The following SPATC1 variants were observed in gnomAD, a reference collection of about 807,000 sequenced individuals.
SPATC1 encodes the protein speriolin.
SPATC1 carries 35 observed loss-of-function variants against 36.5 expected under a neutral mutation model. That is an observed-to-expected ratio of 0.96 (90% CI 0.73 to 1.27). The LOEUF (loss-of-function observed/expected upper bound fraction) is 1.27, where lower values mean the gene tolerates loss of function less well. Ranked by LOEUF, SPATC1 falls within the 50% of genes most tolerant of loss-of-function variation. The pLI, the probability that SPATC1 is intolerant of heterozygous loss-of-function variation, is 0.00. For synonymous variants in SPATC1, 361 were observed against 353.6 expected (o/e 1.02, Z -0.24); for missense variants, 779 against 796.0 (o/e 0.98, Z 0.26).
chr8:144,015,758 GAAAA>G (rs1328775785), intron 1 of SPATC1, among the ~76,000 whole-genome samples: 13 of 108,894 alleles, frequency 1.2e-4, no homozygotes, highest in Non-Finnish European at 1.8e-4. Flanking sequence ...AAAAAAAAAA[GAAAA>G]GAAAAAAGAA....
intron 1 of SPATC1, among the ~76,000 whole-genome samples, chr8:144,036,873 T>TA (rs1410365878): frequency 1.3e-5 from 2 of 151,388 alleles, no homozygotes; most frequent in Non-Finnish European, 2.9e-5. Context: ...ATAGGCTCAG[T>TA]AAAAAAATAG....
chr8:144,043,300 T>TAA (rs1564281584), intron 4 of SPATC1, among the ~76,000 whole-genome samples: 1 of 127,510 alleles, frequency 7.8e-6, no homozygotes, highest in African/African-American at 3.5e-5. Context: ...CAGCCTTACA[T>TAA]TTTTTTTTTT....
chr8:144,042,307 ATATATTTT>A (rs1835131703), intron 4 of SPATC1, among the ~76,000 whole-genome samples: 1 of 49,454 alleles, frequency 2.0e-5, no homozygotes, highest in Non-Finnish European at 3.2e-5. Flanking sequence ...ATATATATAT[ATATATTTT>A]TTTTTTTTTT....
At chr8:144,037,667 TGTGGAAGGCC>T (rs1196453474) in intron 1 of SPATC1, among the ~76,000 whole-genome samples, 1 of 151,996 alleles carries the variant, frequency 6.6e-6, no homozygotes, top group Non-Finnish European at 1.5e-5. Context: ...ACACAAACAC[TGTGGAAGGCC>T]GCAGGGTCCT....
intron 1 of SPATC1, among the ~76,000 whole-genome samples, chr8:144,026,987 C>CTTTTTTTTT (rs1169014232): frequency 0.01 from 1,182 of 113,710 alleles, no homozygotes; most frequent in East Asian, 0.014. Context: ...TTTTTTTTTT[C>CTTTTTTTTT]TTTTTTTTTT....
At chr8:144,020,904 T>TCCCTCAGGACCCTCTC (rs1834509831) in intron 1 of SPATC1, among the ~76,000 whole-genome samples, 5 of 73,492 alleles carry the variant, frequency 6.8e-5, no homozygotes, top group Non-Finnish European at 8.8e-5. Flanking sequence ...AGGACCCTCT[T>TCCCTCAGGACCCTCTC]CCCTCAGGAC....
At chr8:144,024,453 TCCTCTTCCCTCAGGAC>T (rs1244524353) in intron 1 of SPATC1, among the ~76,000 whole-genome samples, 1 of 88,654 alleles carries the variant, frequency 1.1e-5, no homozygotes, top group East Asian at 3.8e-4. Flanking sequence ...TCCCTCTGGA[TCCTCTTCCCTCAGGAC>T]CCTCTCCCCT....
intron 1 of SPATC1, among the ~76,000 whole-genome samples, chr8:144,021,554 A>C (rs1834535695): frequency 1.1e-5 from 1 of 90,122 alleles, no homozygotes; most frequent in African/African-American, 4.2e-5. Context: ...CTCTTCCCTC[A>C]GAACTTTTCT....
At chr8:144,038,075 C>A (rs1287403916) in intron 1 of SPATC1, among the ~76,000 whole-genome samples, 11 of 151,460 alleles carry the variant, frequency 7.3e-5, no homozygotes, top group Admixed American at 1.3e-4. Context: ...CTTCAGTGAG[C>A]CGAGATCGCA....
intron 1 of SPATC1, among the ~76,000 whole-genome samples, chr8:144,034,242 C>A (rs1434118377): frequency 6.6e-6 from 1 of 152,152 alleles, no homozygotes; most frequent in Non-Finnish European, 1.5e-5. Flanking sequence ...ACTGGGCATG[C>A]ACGGGCCTCC....
chr8:144,026,991 T>TTC (rs1834694754), intron 1 of SPATC1, among the ~76,000 whole-genome samples: 2 of 144,374 alleles, frequency 1.4e-5, no homozygotes, highest in Non-Finnish European at 3.0e-5. Context: ...TTTTTTCTTT[T>TTC]TTTTTTTTTT....
chr8:144,042,494 G>T (rs2129666897), intron 4 of SPATC1, among the ~76,000 whole-genome samples: 1 of 150,818 alleles, frequency 6.6e-6, no homozygotes, highest in East Asian at 2.0e-4. Flanking sequence ...TAACTTTTTG[G>T]TATTTTTAGT....
rs963153798 is a variant in SPATC1 at position 144,039,854 on chromosome 8, C to T, written c.212-55C>T. On this transcript the variant is annotated intron_variant, in intron 1 of 4. Transcript: ENST00000377470. ...CAGTGACAGAGCCTGTGACCACCCT[C>T]GCCGTGGTCTGGAGGGGCTCCCCTG... The T allele has an allele frequency of 8.4e-5, 130 of 1,552,674 alleles. No individual in the cohort carries two copies. The African/African-American group carries it at 1.4e-3, about 17-fold the overall frequency.
chr8:144,034,872 C>T (rs1053502038), intron 1 of SPATC1, among the ~76,000 whole-genome samples: 1 of 152,118 alleles, frequency 6.6e-6, no homozygotes, highest in African/African-American at 2.4e-5. Context: ...CCACCTGCCT[C>T]GGCCTCCCAA....
chr8:144,042,946 T>G (rs1487446023), intron 4 of SPATC1, among the ~76,000 whole-genome samples: 1 of 151,416 alleles, frequency 6.6e-6, no homozygotes, highest in Non-Finnish European at 1.5e-5. Flanking sequence ...CATCTCAGCC[T>G]CTCTGCTAAC....
intron 1 of SPATC1, among the ~76,000 whole-genome samples, chr8:144,020,134 A>G (rs1354895515): frequency 6.7e-6 from 1 of 150,014 alleles, no homozygotes; most frequent in South Asian, 2.1e-4. Flanking sequence ...CCCGCTCAAG[A>G]TCTGTCCCTC....
At chr8:144,043,057 A>G (rs1467039567) in intron 4 of SPATC1, among the ~76,000 whole-genome samples, 2 of 150,680 alleles carry the variant, frequency 1.3e-5, no homozygotes, top group Admixed American at 1.3e-4. Flanking sequence ...CAGTGGTACA[A>G]TCTCAGCTCA....
intron 1 of SPATC1, among the ~76,000 whole-genome samples, chr8:144,021,706 C>CCTCAGGATCTTCTT (rs1437316775): frequency 2.0e-5 from 1 of 48,920 alleles, no homozygotes; most frequent in Non-Finnish European, 4.1e-5. Context: ...AAAACCCTTC[C>CCTCAGGATCTTCTT]CCCTCAGGAG....
intron 1 of SPATC1, among the ~76,000 whole-genome samples, chr8:144,034,981 G>C (rs1834869446): frequency 6.6e-6 from 1 of 152,160 alleles, no homozygotes; most frequent in Non-Finnish European, 1.5e-5. Flanking sequence ...TTTACTATAA[G>C]CATTTCATTG....
Sources: gnomAD v4.1 joint callset for allele counts (sites outside exome capture counted in the v4.1 genomes callset) on GRCh38, gnomAD v4.1.1 for gene constraint, MANE v1.5 for transcripts, NCBI Gene and HGNC (gene_info 2026-07-23, HGNC 2026-07-21) for gene names.